Variants in DLC1 observed in about 807,000 individuals in gnomAD.
DLC1 encodes rho GTPase-activating protein 7.
A neutral mutation model predicts 140.3 loss-of-function variants in DLC1; 54 were observed. That is an observed-to-expected ratio of 0.38 (90% CI 0.31 to 0.48). The LOEUF (loss-of-function observed/expected upper bound fraction) is 0.48, where lower values mean the gene tolerates loss of function less well. Among genes scored for constraint, DLC1 ranks in the 20% least tolerant of loss-of-function variants. The pLI is 0.96. For synonymous variants in DLC1, 986 were observed against 728.1 expected (o/e 1.35, Z -5.70); for missense variants, 2,536 against 1,907.0 (o/e 1.33, Z -6.14).
intron 5 of DLC1, among the ~76,000 whole-genome samples, chr8:13,242,465 A>C (rs1829581946): frequency 6.6e-6 from 1 of 151,510 alleles, no homozygotes; most frequent in South Asian, 2.1e-4. Context: ...GCATGACCAC[A>C]GCTCACTGCA....
intron 16 of DLC1, among the ~76,000 whole-genome samples, chr8:13,087,634 G>A (rs1247260794): frequency 1.3e-5 from 2 of 152,024 alleles, no homozygotes; most frequent in African/African-American, 2.4e-5. Context: ...TCTCCTCTTT[G>A]AAAAAAGAGC....
At chr8:13,416,990 T>C (rs1838096013) in intron 2 of DLC1, among the ~76,000 whole-genome samples, 2 of 152,192 alleles carry the variant, frequency 1.3e-5, no homozygotes, top group African/African-American at 4.8e-5. Flanking sequence ...GGAATATGAT[T>C]GATTTCAAAT....
chr8:13,096,770 C>T (rs1008664699), intron 10 of DLC1, among the ~76,000 whole-genome samples: 1 of 152,176 alleles, frequency 6.6e-6, no homozygotes, highest in Non-Finnish European at 1.5e-5. Flanking sequence ...GAACAGTTTC[C>T]TTGCTTTGCC....
chr8:13,352,762 G>A (rs562257843), intron 4 of DLC1, among the ~76,000 whole-genome samples: 1 of 152,008 alleles, frequency 6.6e-6, no homozygotes, highest in African/African-American at 2.4e-5. Flanking sequence ...TTTTGGAGAG[G>A]AAGAATCGTT....
At chr8:13,323,324 A>C (rs951833641) in intron 4 of DLC1, among the ~76,000 whole-genome samples, 2 of 152,228 alleles carry the variant, frequency 1.3e-5, no homozygotes, top group African/African-American at 4.8e-5. Context: ...AGTGCATCTT[A>C]TTCCCTAGGG....
intron 2 of DLC1, among the ~76,000 whole-genome samples, chr8:13,408,679 G>A (rs1452414182): frequency 6.6e-6 from 1 of 152,156 alleles, no homozygotes; most frequent in African/African-American, 2.4e-5. Flanking sequence ...TAAAATTAAA[G>A]ATTGGCACTC....
At chr8:13,350,604 T>C (rs1480635346) in intron 4 of DLC1, among the ~76,000 whole-genome samples, 1 of 152,040 alleles carries the variant, frequency 6.6e-6, no homozygotes, top group Non-Finnish European at 1.5e-5. Context: ...TAATGACAGG[T>C]ACTTGGGTGG....
intron 4 of DLC1, among the ~76,000 whole-genome samples, chr8:13,361,512 C>T (rs1252286430): frequency 5.3e-5 from 8 of 151,968 alleles, no homozygotes; most frequent in Non-Finnish European, 8.8e-5. Flanking sequence ...GCTATCCTCC[C>T]GCTTCAGCCT....
intron 5 of DLC1, among the ~76,000 whole-genome samples, chr8:13,248,425 C>T (rs1236711566): frequency 6.6e-6 from 1 of 152,128 alleles, no homozygotes; most frequent in South Asian, 2.1e-4. Flanking sequence ...TGAGCTGTTT[C>T]CCAATCCTTA....
chr8:13,453,119 T>G (rs1051889044), intron 2 of DLC1, among the ~76,000 whole-genome samples: 2 of 151,572 alleles, frequency 1.3e-5, no homozygotes, highest in African/African-American at 4.8e-5. Flanking sequence ...ATGAGCATCT[T>G]CAGCATTTTC....
At chr8:13,569,494 A>C (rs1804571572) in intron 1 of DLC1, among the ~76,000 whole-genome samples, 3 of 152,132 alleles carry the variant, frequency 2.0e-5, no homozygotes, top group Admixed American at 1.3e-4. Context: ...TTGACATCTC[A>C]ATATATTCAT....
chr8:13,495,185 T>A (rs1410017380), intron 2 of DLC1, among the ~76,000 whole-genome samples: 1 of 152,210 alleles, frequency 6.6e-6, no homozygotes, highest in African/African-American at 2.4e-5. Context: ...ATTATGGTTA[T>A]TCAAAAAATT....
intron 2 of DLC1, among the ~76,000 whole-genome samples, chr8:13,439,565 G>C (rs1178781922): frequency 6.6e-6 from 1 of 151,446 alleles, no homozygotes; most frequent in Non-Finnish European, 1.5e-5. Flanking sequence ...ACCAATCCTT[G>C]TATTTTTCCA....
At chr8:13,477,544 C>A (rs1188976087) in intron 2 of DLC1, among the ~76,000 whole-genome samples, 2 of 152,154 alleles carry the variant, frequency 1.3e-5, no homozygotes, top group Non-Finnish European at 2.9e-5. Context: ...TGATAAAAAA[C>A]CAAGACATAG....
intron 1 of DLC1, among the ~76,000 whole-genome samples, chr8:13,513,664 T>C (rs1210198674): frequency 6.6e-6 from 1 of 152,182 alleles, no homozygotes; most frequent in African/African-American, 2.4e-5. Context: ...CAGTATCTTA[T>C]GCATTATAAG....
chr8:13,513,475 A>T (rs1236889570), intron 1 of DLC1, among the ~76,000 whole-genome samples: 2 of 152,136 alleles, frequency 1.3e-5, no homozygotes, highest in Non-Finnish European at 2.9e-5. Context: ...AAAAACTTAT[A>T]ATGAAAACAG....
At position 13,483,846 on chromosome 8, in the gene DLC1, C is replaced by T. The variant is rs200827423; in HGVS notation, c.1023+15203G>A. 9.9e-5 allele frequency among the ~76,000 whole-genome samples: 15 copies of T among 152,194 alleles called. No homozygotes were observed. The East Asian group carries it at 2.3e-3, about 24-fold the overall frequency. On this transcript the variant is annotated intron_variant, in intron 2 of 17. Transcript: ENST00000276297. ...CCTGTAATCCCAGCATTTTGGGAGG[C>T]CGAGGCTGCTGGATCACTTGAGGTC...
At chr8:13,258,683 C>G (rs950231277) in intron 5 of DLC1, among the ~76,000 whole-genome samples, 3 of 152,180 alleles carry the variant, frequency 2.0e-5, no homozygotes, top group Non-Finnish European at 4.4e-5. Flanking sequence ...TATCAATGGC[C>G]TATGTAGCCT....
At chr8:13,476,787 G>T (rs894630536) in intron 2 of DLC1, among the ~76,000 whole-genome samples, 1 of 152,098 alleles carries the variant, frequency 6.6e-6, no homozygotes, top group African/African-American at 2.4e-5. Flanking sequence ...CTGAATTAAT[G>T]AATTAGTGAT....
Sources: allele counts gnomAD v4.1 joint callset (sites outside exome capture counted in the v4.1 genomes callset), GRCh38; gene constraint gnomAD v4.1.1; transcripts MANE v1.5; gene names NCBI Gene and HGNC (gene_info 2026-07-23, HGNC 2026-07-21).